The following LNX2 variants were observed in gnomAD, a reference collection of about 807,000 sequenced individuals.
LNX2 encodes ligand of numb-protein X 2.
In LNX2, 35 loss-of-function variants were observed where a neutral mutation model predicts 66.2. That is an observed-to-expected ratio of 0.53 (90% confidence interval 0.40 to 0.70). The LOEUF (loss-of-function observed/expected upper bound fraction) is 0.70. Ranked by LOEUF, LNX2 falls within the 30% of genes least tolerant of loss-of-function variation. The pLI, the probability that LNX2 is intolerant of heterozygous loss-of-function variation, is 0.00. For synonymous variants in LNX2, 337 were observed against 315.6 expected (o/e 1.07, Z -0.72); for missense variants, 791 against 850.8 (o/e 0.93, Z 0.87).
At chr13:27,614,207 G>A (rs1955803245) in intron 1 of LNX2, among the ~76,000 whole-genome samples, 2 of 152,202 alleles carry the variant, frequency 1.3e-5, no homozygotes, top group African/African-American at 4.8e-5. Context: ...GGCAACAGAG[G>A]AACCTGAATT....
chr13:27,620,516 G>A lies in LNX2; in HGVS notation c.-242C>T. 5.7e-6 allele frequency: 1 copy of A among 174,014 alleles called. No homozygotes were observed. Among genetic ancestry groups the A allele is most frequent in the Non-Finnish European group, 1.2e-5 (1 of 85,142 alleles). The allele number at this position is 174,014 out of a possible 1,614,324, so 10.8% of individuals were successfully genotyped here. A position where few individuals can be genotyped will look rare whatever the true frequency, so the allele number is the denominator to read the frequency against. ...AGGAATCGCCGCCGCCGCCGCCGCC[G>A]CCGCGGATTTCCTGGCAAAAAGCAA... On this transcript the variant is annotated 5_prime_UTR_variant, in exon 1 of 10. Coordinates refer to ENST00000316334, the MANE Select transcript of LNX2 (RefSeq NM_153371.4).
chr13:27,563,500 C>T (rs1593242635), intron 4 of LNX2, among the ~76,000 whole-genome samples: 1 of 152,110 alleles, frequency 6.6e-6, no homozygotes, highest in East Asian at 1.9e-4. Flanking sequence ...TATGTATTCA[C>T]CTTTATAATC....
At chr13:27,574,380 C>A (rs897227636) in intron 2 of LNX2, among the ~76,000 whole-genome samples, 3 of 152,088 alleles carry the variant, frequency 2.0e-5, no homozygotes, top group Non-Finnish European at 4.4e-5. Context: ...CCATTGCACT[C>A]CAGCCTGGGG....
chr13:27,557,246 T>C (rs1240352133), intron 6 of LNX2, among the ~76,000 whole-genome samples: 10 of 152,064 alleles, frequency 6.6e-5, no homozygotes, highest in Admixed American at 6.5e-4. Context: ...TTCACAAAAG[T>C]CCTGAAATTA....
intron 2 of LNX2, among the ~76,000 whole-genome samples, chr13:27,572,127 A>C (rs1175006225): frequency 6.6e-6 from 1 of 152,206 alleles, no homozygotes; most frequent in East Asian, 1.9e-4. Flanking sequence ...ATATAAATTG[A>C]ATTTCTTCTA....
intron 8 of LNX2, among the ~76,000 whole-genome samples, chr13:27,551,641 A>T (rs1056882785): frequency 2.0e-5 from 3 of 152,040 alleles, no homozygotes; most frequent in African/African-American, 7.2e-5. Context: ...AATTAATTTT[A>T]AAAATCCTGT....
chr13:27,608,920 T>C (rs1324473107), intron 1 of LNX2, among the ~76,000 whole-genome samples: 1 of 151,790 alleles, frequency 6.6e-6, no homozygotes, highest in Admixed American at 6.6e-5. Context: ...TTCTCTTGCC[T>C]CAGCCTCCAG....
In LNX2 at chr13:27,581,633, A is replaced by T; in HGVS notation, c.71T>A (p.Phe24Tyr). The T allele has an allele frequency of 6.2e-7, 1 of 1,614,160 alleles. No homozygotes were observed. Among genetic ancestry groups the T allele is most frequent in the Non-Finnish European group, 8.5e-7 (1 of 1,180,030 alleles). The change falls in exon 2 of 10, where the codon TTT becomes TAT. Residue 24 changes from phenylalanine (F) to tyrosine (Y), a missense_variant. By Grantham distance (22) the Phe-to-Tyr change is conservative (BLOSUM62 3). Transcript: ENST00000316334. ...TGTCCAGTGCTGTTGGCCACATTCA[A>T]AACACAGGGGGTTTAGAGAAGAGGA... ...TSSSSLNPLC[F>Y]ECGQQHWTRE...
intron 1 of LNX2, among the ~76,000 whole-genome samples, chr13:27,616,368 G>A (rs368944565): frequency 1.6e-4 from 24 of 152,226 alleles, no homozygotes; most frequent in African/African-American, 5.1e-4. Flanking sequence ...AGTAGGCTTC[G>A]ATAGGTGGTA....
At chr13:27,568,722 T>C (rs1173958655) in intron 3 of LNX2, among the ~76,000 whole-genome samples, 1 of 152,208 alleles carries the variant, frequency 6.6e-6, no homozygotes, top group Non-Finnish European at 1.5e-5. Flanking sequence ...AACAAGTTTC[T>C]GAACACAGAC....
chr13:27,580,291 T>G (rs1295571503), intron 2 of LNX2, among the ~76,000 whole-genome samples: 1 of 152,118 alleles, frequency 6.6e-6, no homozygotes, highest in South Asian at 2.1e-4. Flanking sequence ...AGTCTCCTTA[T>G]TCATAAAATG....
chr13:27,560,051 C>G, intron 5 of LNX2, 66 bp from the exon 6 acceptor site: 1 of 1,369,396 alleles, frequency 7.3e-7, no homozygotes, highest in Non-Finnish European at 9.8e-7. Context: ...AGATTACACA[C>G]AGTGTAATTT....
intron 1 of LNX2, among the ~76,000 whole-genome samples, chr13:27,597,865 T>C (rs1036563870): frequency 6.6e-6 from 1 of 152,252 alleles, no homozygotes; most frequent in East Asian, 1.9e-4. Flanking sequence ...AAGGGAACTT[T>C]CTTCATATTT....
Position 27,553,436 on chromosome 13 carries a change from T to A in LNX2, c.1550A>T (p.Asp517Val), listed in dbSNP as rs531075302. The change falls in exon 8 of 10, where the codon GAT becomes GTT. Residue 517 changes from aspartate to valine, a missense_variant. Physicochemically the swap from Asp to Val is radical, Grantham distance 152 (BLOSUM62 -3). Coordinates refer to ENST00000316334, the MANE Select transcript of LNX2 (RefSeq NM_153371.4). ...LARDGRIKRG[D>V]VLLNINGIDL... ...AATGCCGTTGATATTTAGCAACACA[T>A]CACCTGTTCAGATGAAGAAACAAGA... The A allele has an allele frequency of 6.2e-7, 1 of 1,611,846 alleles. No individual in the cohort carries two copies. The highest frequency in any genetic ancestry group is 8.5e-7 in the Non-Finnish European group (1 of 1,177,992).
At chr13:27,587,914 A>G (rs6491219) in intron 1 of LNX2, among the ~76,000 whole-genome samples, 103,970 of 151,438 alleles carry the variant, frequency 0.69, 37,248 homozygotes, top group African/African-American at 0.9. Flanking sequence ...CCAGCTTCTC[A>G]GGAGGCTGAG....
At chr13:27,602,561 T>G (rs1281331827) in intron 1 of LNX2, among the ~76,000 whole-genome samples, 1 of 152,248 alleles carries the variant, frequency 6.6e-6, no homozygotes, top group Admixed American at 6.5e-5. Context: ...TCTGTTTCTT[T>G]GCATTGCTTG....
intron 1 of LNX2, among the ~76,000 whole-genome samples, chr13:27,587,825 T>C (rs1390409153): frequency 6.6e-6 from 1 of 151,980 alleles, no homozygotes; most frequent in Non-Finnish European, 1.5e-5. Flanking sequence ...ATCAAGACCA[T>C]CCTGGCTAAC....
At chr13:27,598,621 A>G (rs1955624298) in intron 1 of LNX2, among the ~76,000 whole-genome samples, 1 of 113,698 alleles carries the variant, frequency 8.8e-6, no homozygotes, top group Admixed American at 8.0e-5. Flanking sequence ...ATTCCTCCCC[A>G]TTTTTCAAAT....
At chr13:27,593,020 GA>G (rs1467529940) in intron 1 of LNX2, among the ~76,000 whole-genome samples, 2 of 152,268 alleles carry the variant, frequency 1.3e-5, no homozygotes, top group East Asian at 3.9e-4. Context: ...TATGCTAAAT[GA>G]AAAGGGGAAA....
Sources: gnomAD v4.1 joint callset for allele counts (sites outside exome capture counted in the v4.1 genomes callset) on GRCh38, gnomAD v4.1.1 for gene constraint, MANE v1.5 for transcripts, NCBI Gene and HGNC (gene_info 2026-07-23, HGNC 2026-07-21) for gene names.